Variants in SV2B observed in about 807,000 individuals in gnomAD.
SV2B encodes the protein solute carrier family 22 member B2.
SV2B carries 41 observed loss-of-function variants against 73.9 expected under a neutral mutation model. That is an observed-to-expected ratio of 0.56 (90% CI 0.43 to 0.72). The LOEUF (loss-of-function observed/expected upper bound fraction) is 0.72, where lower values mean the gene tolerates loss of function less well. Among genes scored for constraint, SV2B ranks in the 30% least tolerant of loss-of-function variants. SV2B has a pLI of 0.00. For missense variants in SV2B, 764 were observed against 857.8 expected (o/e 0.89, Z 1.37); for synonymous variants, 314 against 314.2 (o/e 1.00, Z 0.01).
chr15:91,133,743 A>G (rs1036531914), intron 1 of SV2B, among the ~76,000 whole-genome samples: 3 of 152,082 alleles, frequency 2.0e-5, no homozygotes, highest in South Asian at 2.1e-4. Context: ...CCATGGCAAC[A>G]AAGTCTTTGA....
chr15:91,213,288 G>T (rs1418637624), intron 1 of SV2B, among the ~76,000 whole-genome samples: 1 of 152,198 alleles, frequency 6.6e-6, no homozygotes, highest in African/African-American at 2.4e-5. Context: ...TCCTCAAGCT[G>T]GTGTTACTTT....
chr15:91,183,985 A>G (rs2141326179), intron 1 of SV2B, among the ~76,000 whole-genome samples: 1 of 152,242 alleles, frequency 6.6e-6, no homozygotes, highest in Non-Finnish European at 1.5e-5. Context: ...CTGCAGTATC[A>G]TCAGGAGTTA....
rs1309490937 is a variant in SV2B at position 91,294,065 on chromosome 15, C to G, written c.*1513C>G. The G allele has an allele frequency of 6.6e-6, 1 of 152,196 alleles. No individual in the cohort carries two copies. The highest frequency in any genetic ancestry group is 1.9e-4 in the East Asian group (1 of 5,198). The allele number at this position is 152,196 out of a possible 1,614,324, so 9.4% of individuals were successfully genotyped here. A position where few individuals can be genotyped will look rare whatever the true frequency, so the allele number is the denominator to read the frequency against. On this transcript the variant is annotated 3_prime_UTR_variant, in exon 13 of 13. Coordinates refer to ENST00000394232, the MANE Select transcript of SV2B (RefSeq NM_001323032.3). The surrounding 1 kb of genome is among the most constrained non-coding windows in gnomAD (Gnocchi z 4.1). ...CAGCGGAGGTGAACTTGCACCTGCCCAGGCCGGATGAACATCAGCCTGCAA... is the reference window on the plus strand; with the variant it reads ...CAGCGGAGGTGAACTTGCACCTGCCGAGGCCGGATGAACATCAGCCTGCAA...
rs1232469801 is a variant in SV2B, at chr15:91,265,435, ACACT to A, written c.1009-1141_1009-1138del. Among the ~76,000 whole-genome samples the A allele has an allele frequency of 6.6e-6, 1 of 152,236 alleles. No homozygotes were observed. The highest frequency in any genetic ancestry group is 1.5e-5 in the Non-Finnish European group (1 of 68,036). On this transcript the variant is annotated intron_variant, in intron 6 of 12. Coordinates refer to ENST00000394232, the MANE Select transcript of SV2B (RefSeq NM_001323032.3). This position sits in a 1 kb window ranked among gnomAD's most constrained non-coding sequence, Gnocchi z 4.2. The stretch of plus-strand genomic sequence containing the variant: ...AGTAATTATGCTTCAAGTTGTCAAC[ACACT>A]CACTCCCTAATCCCAAAGGAAGACT...
rs1212423029 is a variant in SV2B at position 91,199,794 on chromosome 15, G to A, written c.-391-26079G>A. 1.4e-4 allele frequency among the ~76,000 whole-genome samples: 22 copies of A among 152,144 alleles called. 1 individual carries two copies. Among genetic ancestry groups the A allele is most frequent in the Admixed American group, 1.4e-3 (22 of 15,278 alleles). ...GGATGAGGACTTGGAGGGTTATTCT[G>A]GGCTGAAGGCTATTAATCTCAGGCC... On this transcript the variant is annotated intron_variant, in intron 1 of 12. Transcript: ENST00000394232.
At chr15:91,125,421 G>A (rs1453491722) in intron 1 of SV2B, among the ~76,000 whole-genome samples, 2 of 151,980 alleles carry the variant, frequency 1.3e-5, no homozygotes, top group Admixed American at 6.6e-5. Flanking sequence ...TGATCCCAGC[G>A]GCCTTTGTAT....
Position 91,292,385 on chromosome 15 carries a change from A to G in SV2B, c.1885A>G (p.Ile629Val). The change falls in exon 13 of 13, where the codon ATT becomes GTT. Residue 629 changes from isoleucine (I) to valine (V), a missense_variant. Coordinates refer to ENST00000394232, the MANE Select transcript of SV2B (RefSeq NM_001323032.3). Reference protein sequence around the residue: ...PTNQRATAFGILNGLCKFGAI... With the variant: ...PTNQRATAFGVLNGLCKFGAI... ...CTTTTACAGAGCAACAGCCTTCGGCATTCTCAATGGATTATGCAAATTTGG... is the reference window on the plus strand; with the variant it reads ...CTTTTACAGAGCAACAGCCTTCGGCGTTCTCAATGGATTATGCAAATTTGG... 1 of 1,614,110 alleles carries G rather than the reference A, an allele frequency of 6.2e-7. No individual in the cohort carries two copies. Among genetic ancestry groups the G allele is most frequent in the East Asian group, 2.2e-5 (1 of 44,866 alleles).
rs1009017081 is a variant in SV2B, at chr15:91,295,637, C to A, written c.*3085C>A. On this transcript the variant is annotated 3_prime_UTR_variant, in exon 13 of 13. Transcript: ENST00000394232. ...TGCTCTCATGACAGTTCTGGGGAAG[C>A]CTGCAGTTTGGGGAATGGGACAATG... 1 of 152,136 alleles carries A rather than the reference C, an allele frequency of 6.6e-6. No individual in the cohort carries two copies. Among genetic ancestry groups the A allele is most frequent in the South Asian group, 2.1e-4 (1 of 4,832 alleles). The allele number at this position is 152,136 out of a possible 1,614,324, so 9.4% of individuals were successfully genotyped here.
chr15:91,190,334 C>CTTT (rs112187512), intron 1 of SV2B, among the ~76,000 whole-genome samples: 8 of 150,236 alleles, frequency 5.3e-5, no homozygotes, highest in South Asian at 2.1e-4. Context: ...TCAGTGTTTT[C>CTTT]TTTTTTTTTC....
rs549688568 is a variant in SV2B at position 91,283,697 on chromosome 15, T to A, written c.1508-324T>A. On this transcript the variant is annotated intron_variant, in intron 10 of 12. Transcript: ENST00000394232. This position sits in a 1 kb window ranked among gnomAD's most constrained non-coding sequence, Gnocchi z 4.3. ...CTGAACTCCTGAGCTCAAGTGATCC[T>A]CCTACCTCGGCCTCCTCAAGTGCTG... is the stretch of plus-strand genomic sequence containing the variant. Among the ~76,000 whole-genome samples the A allele has an allele frequency of 6.6e-6, 1 of 152,314 alleles. No homozygotes were observed. The highest frequency in any genetic ancestry group is 2.4e-5 in the African/African-American group (1 of 41,568).
At chr15:91,111,566 G>A (rs961750679) in intron 1 of SV2B, among the ~76,000 whole-genome samples, 5 of 152,198 alleles carry the variant, frequency 3.3e-5, no homozygotes, top group African/African-American at 1.2e-4. Context: ...TGTCTGATGA[G>A]CCTTGAAGGT....
Position 91,294,392 on chromosome 15 carries a change from C to G in SV2B, c.*1840C>G, listed in dbSNP as rs2049149088. 6.6e-6 allele frequency: 1 copy of G among 152,092 alleles called. No homozygotes were observed. The highest frequency in any genetic ancestry group is 1.5e-5 in the Non-Finnish European group (1 of 68,016). The allele number at this position is 152,092 out of a possible 1,614,324, so 9.4% of individuals were successfully genotyped here. On this transcript the variant is annotated 3_prime_UTR_variant, in exon 13 of 13. Coordinates refer to ENST00000394232, the MANE Select transcript of SV2B (RefSeq NM_001323032.3). The surrounding 1 kb of genome is among the most constrained non-coding windows in gnomAD (Gnocchi z 4.1). Reference sequence around the variant, plus strand: ...CTCACCTTTTTATTTACACCCCTCCCTTTTTTTCTGTACAGGGAGAGAAGA... The same window carrying G: ...CTCACCTTTTTATTTACACCCCTCCGTTTTTTTCTGTACAGGGAGAGAAGA...
In SV2B at chr15:91,281,842, A is replaced by T. The variant is rs749253728; in HGVS notation, c.1488A>T (p.Ser496=). The T allele has an allele frequency of 1.2e-6, 2 of 1,612,360 alleles. No homozygotes were observed. Among genetic ancestry groups the T allele is most frequent in the African/African-American group, 2.7e-5 (2 of 74,980 alleles). The change falls in exon 10 of 13, where the codon TCA becomes TCT. Residue 496 remains serine (S), a synonymous_variant. Transcript: ENST00000394232. The surrounding 1 kb of genome is among the most constrained non-coding windows in gnomAD (Gnocchi z 4.7). ...ACTTCAAAAATTGTACCATTGAATCAACCATCTTTTACAACACAGGTAGGT... is the reference window on the plus strand; with the variant it reads ...ACTTCAAAAATTGTACCATTGAATCTACCATCTTTTACAACACAGGTAGGT... ...DTYFKNCTIE[S]TIFYNTDLYE...
At position 91,281,889 on chromosome 15, in the gene SV2B, A is replaced by G; in HGVS notation, c.1507+28A>G. ...AGGTAAGAACATTGACAGATTGAATAGAAAGTAACAGGAGACAACTTGTGT... is the reference window on the plus strand; with the variant it reads ...AGGTAAGAACATTGACAGATTGAATGGAAAGTAACAGGAGACAACTTGTGT... On this transcript the variant is annotated intron_variant, in intron 10 of 12. Coordinates refer to ENST00000394232, the MANE Select transcript of SV2B (RefSeq NM_001323032.3). This position sits in a 1 kb window ranked among gnomAD's most constrained non-coding sequence, Gnocchi z 4.7. 6.3e-7 allele frequency: 1 copy of G among 1,584,530 alleles called. No homozygotes were observed.
chr15:91,226,045 A>G lies in SV2B; in HGVS notation c.-219A>G, dbSNP rs2046364731. ...GAAACTTTCCAGACTTCCAACAGAC[A>G]TCGAGTGCAAAAGGATATTTAGGTT... On this transcript the variant is annotated 5_prime_UTR_variant, in exon 2 of 13. Transcript: ENST00000394232. The G allele has an allele frequency of 1.1e-5, 6 of 558,496 alleles. No homozygotes were observed. The highest frequency in any genetic ancestry group is 1.9e-5 in the Non-Finnish European group (6 of 318,718). The allele number at this position is 558,496 out of a possible 1,614,324, so 34.6% of individuals were successfully genotyped here. A position where few individuals can be genotyped will look rare whatever the true frequency, so the allele number is the denominator to read the frequency against.
At position 91,299,182 on chromosome 15, in the gene SV2B, G is replaced by C. The variant is rs2049354704; in HGVS notation, c.*6630G>C. ...TGTCAATTAAAACTATAAATAAAGTGGCTTTCCAGAAAAATTAGATATTGG... is the reference window on the plus strand; with the variant it reads ...TGTCAATTAAAACTATAAATAAAGTCGCTTTCCAGAAAAATTAGATATTGG... On this transcript the variant is annotated 3_prime_UTR_variant, in exon 13 of 13. Coordinates refer to ENST00000394232, the MANE Select transcript of SV2B (RefSeq NM_001323032.3). 6.6e-6 allele frequency: 1 copy of C among 151,868 alleles called. No homozygotes were observed. Among genetic ancestry groups the C allele is most frequent in the Non-Finnish European group, 1.5e-5 (1 of 67,974 alleles). 9.4% of individuals were successfully genotyped at this position (151,868 alleles called of 1,614,324 possible).
chr15:91,246,467 G>C (rs1422418546), intron 2 of SV2B, among the ~76,000 whole-genome samples: 2 of 152,070 alleles, frequency 1.3e-5, no homozygotes. Flanking sequence ...TGCAAAGATG[G>C]GCACCGAATT....
chr15:91,175,674 G>A (rs190009603), intron 1 of SV2B, among the ~76,000 whole-genome samples: 133 of 150,982 alleles, frequency 8.8e-4, no homozygotes, highest in African/African-American at 2.9e-3. Context: ...TTAGACTCAT[G>A]CTCTTAAAAA....
rs528847792 is a variant in SV2B, at chr15:91,296,817, A to G, written c.*4265A>G. The G allele has an allele frequency of 1.4e-5, 2 of 142,176 alleles. No homozygotes were observed. Among genetic ancestry groups the G allele is most frequent in the Admixed American group, 1.4e-4 (2 of 13,836 alleles). The allele number at this position is 142,176 out of a possible 1,614,324, so 8.8% of individuals were successfully genotyped here. A position where few individuals can be genotyped will look rare whatever the true frequency, so the allele number is the denominator to read the frequency against. On this transcript the variant is annotated 3_prime_UTR_variant, in exon 13 of 13. Transcript: ENST00000394232. ...ATTGGGCTCACGCTCCTTCTGCCCG[A>G]TCGCTGGGCTCACGCTCCTTCTGCC...
Sources: gnomAD v4.1 joint callset for allele counts (sites outside exome capture counted in the v4.1 genomes callset) on GRCh38, gnomAD v4.1.1 for gene constraint, Gnocchi (gnomAD v3.1) non-coding constraint, MANE v1.5 for transcripts, NCBI Gene and HGNC (gene_info 2026-07-23, HGNC 2026-07-21) for gene names.